Variants in CLMP observed in about 807,000 individuals in gnomAD.
The protein encoded by CLMP is CXADR like cell adhesion molecule, also known as CXADR-like membrane protein.
A neutral mutation model predicts 45.2 loss-of-function variants in CLMP; 27 were observed. The observed-to-expected ratio is 0.60, with a 90% CI of 0.44 to 0.82. CLMP has a LOEUF of 0.82. Ranked by LOEUF, CLMP falls within the 40% of genes least tolerant of loss-of-function variation. The pLI is 0.00. For synonymous variants in CLMP, 167 were observed against 171.4 expected (o/e 0.97, Z 0.20); for missense variants, 403 against 448.4 (o/e 0.90, Z 0.91).
chr11:123,144,736 G>C (rs935710926), intron 1 of CLMP, among the ~76,000 whole-genome samples: 1 of 152,212 alleles, frequency 6.6e-6, no homozygotes, highest in African/African-American at 2.4e-5. Context: ...TGACAGAAAA[G>C]AAGTCATATA....
chr11:123,076,476 A>G (rs1208480769), intron 5 of CLMP, among the ~76,000 whole-genome samples: 1 of 152,204 alleles, frequency 6.6e-6, no homozygotes, highest in African/African-American at 2.4e-5. Context: ...CATGAAGGCA[A>G]AATTGGATGA....
chr11:123,163,439 G>A (rs1455407090), intron 1 of CLMP, among the ~76,000 whole-genome samples: 1 of 152,202 alleles, frequency 6.6e-6, no homozygotes, highest in Non-Finnish European at 1.5e-5. Context: ...AAGTAAGCAT[G>A]GCCTGAGCTG....
At chr11:123,192,454 G>A (rs887471651) in intron 1 of CLMP, among the ~76,000 whole-genome samples, 1 of 152,110 alleles carries the variant, frequency 6.6e-6, no homozygotes, top group African/African-American at 2.4e-5. Context: ...GGCCTCACAG[G>A]GTTACTCGGG....
intron 1 of CLMP, among the ~76,000 whole-genome samples, chr11:123,135,411 G>A (rs1861058656): frequency 6.6e-6 from 1 of 152,102 alleles, no homozygotes; most frequent in African/African-American, 2.4e-5. Context: ...GCTAAGGACT[G>A]ACAATGTCCC....
At chr11:123,081,912 A>G (rs757077388) in intron 5 of CLMP, among the ~76,000 whole-genome samples, 2 of 152,056 alleles carry the variant, frequency 1.3e-5, no homozygotes, top group South Asian at 2.1e-4. Flanking sequence ...ACAGTTAACT[A>G]TTATTCTCCT....
chr11:123,195,128 G>T lies in CLMP; in HGVS notation c.-188C>A. 1 of 334,808 alleles carries T rather than the reference G, an allele frequency of 3.0e-6. No homozygotes were observed. The highest frequency in any genetic ancestry group is 5.2e-6 in the Non-Finnish European group (1 of 192,844). 20.7% of individuals were successfully genotyped at this position (334,808 alleles called of 1,614,324 possible). On this transcript the variant is annotated 5_prime_UTR_variant, in exon 1 of 7. Transcript: ENST00000448775. ...CCCTGGGGGCAGATGGGCTCCCGGC[G>T]CTCGCCCCACCAGCTGGCGCCCGGA...
At chr11:123,095,559 C>A (rs555883850) in intron 2 of CLMP, among the ~76,000 whole-genome samples, 19 of 152,046 alleles carry the variant, frequency 1.2e-4, no homozygotes, top group African/African-American at 4.6e-4. Context: ...TGTGAGCCAC[C>A]GCACCTGGCC....
intron 2 of CLMP, among the ~76,000 whole-genome samples, chr11:123,091,823 GC>G (rs1865935159): frequency 6.6e-6 from 1 of 152,118 alleles, no homozygotes; most frequent in South Asian, 2.1e-4. Context: ...GTGTAGCAAA[GC>G]TCACCTGGCT....
At position 123,083,761 on chromosome 11, in the gene CLMP, T is replaced by C. The variant is rs1422436643; in HGVS notation, c.475A>G (p.Thr159Ala). The C allele has an allele frequency of 6.2e-7, 1 of 1,614,078 alleles. No individual in the cohort carries two copies. The highest frequency in any genetic ancestry group is 8.5e-7 in the Non-Finnish European group (1 of 1,180,026). ...LTLQCESSSG[T>A]EPIVYYWQRI... ...TGCCAGTAATACACAATGGGCTCTG[T>C]GCCAGAGGATGACTCACACTGCAAA... Residue 159 changes from threonine to alanine, a missense_variant, in exon 4 of 7, where the codon ACA becomes GCA. Thr to Ala is a moderately conservative substitution (Grantham distance 58, BLOSUM62 0). Coordinates refer to ENST00000448775, the MANE Select transcript of CLMP (RefSeq NM_024769.5).
Position 123,071,467 on chromosome 11 carries a change from G to T in CLMP, c.*2007C>A, listed in dbSNP as rs1253814761. 6.6e-6 allele frequency: 1 copy of T among 152,008 alleles called. No individual in the cohort carries two copies. Among genetic ancestry groups the T allele is most frequent in the East Asian group, 1.9e-4 (1 of 5,180 alleles). The allele number at this position is 152,008 out of a possible 1,614,324, so 9.4% of individuals were successfully genotyped here. On this transcript the variant is annotated 3_prime_UTR_variant, in exon 7 of 7. Coordinates refer to ENST00000448775, the MANE Select transcript of CLMP (RefSeq NM_024769.5). ...AAAGTATTCTGAGCCAGGTGCAGTG[G>T]CTTCCAGCACTGTGGGAGGCCAAGG...
Position 123,083,867 on chromosome 11 carries a change from G to A in CLMP, c.389-20C>T, listed in dbSNP as rs760739646. 51 of 1,611,258 alleles carry A rather than the reference G, an allele frequency of 3.2e-5. No homozygotes were observed. Among genetic ancestry groups the A allele is most frequent in the Non-Finnish European group, 4.3e-5 (51 of 1,179,302 alleles). ...GTCTCACTGGCAACAGCAACAACAA[G>A]CAAAAGTGTAGTGATTCAAAGATCC... On this transcript the variant is annotated intron_variant, in intron 3 of 6. Transcript: ENST00000448775.
chr11:123,137,478 G>T (rs1469133855), intron 1 of CLMP, among the ~76,000 whole-genome samples: 1 of 151,866 alleles, frequency 6.6e-6, no homozygotes, highest in Admixed American at 6.6e-5. Context: ...AGGGGAGATG[G>T]CCATCTCCTA....
intron 1 of CLMP, among the ~76,000 whole-genome samples, chr11:123,167,347 A>G (rs1200470727): frequency 2.0e-5 from 3 of 152,104 alleles, no homozygotes; most frequent in East Asian, 1.9e-4. Context: ...ACGCAGTGGC[A>G]CGATCTTGGC....
intron 1 of CLMP, among the ~76,000 whole-genome samples, chr11:123,099,202 G>T (rs1866025980): frequency 6.6e-6 from 1 of 152,186 alleles, no homozygotes; most frequent in Admixed American, 6.5e-5. Flanking sequence ...CATGGAAACT[G>T]CACTAAGTTG....
rs1171587928 is a variant in CLMP at position 123,073,363 on chromosome 11, A to G, written c.*111T>C. The G allele has an allele frequency of 1.7e-6, 2 of 1,203,828 alleles. No homozygotes were observed. Among genetic ancestry groups the G allele is most frequent in the African/African-American group, 1.6e-5 (1 of 63,346 alleles). 74.6% of individuals were successfully genotyped at this position (1,203,828 alleles called of 1,614,324 possible). A position where few individuals can be genotyped will look rare whatever the true frequency, so the allele number is the denominator to read the frequency against. Reference sequence around the variant, plus strand: ...TCTGTTCCGTGCAATGCTCACTGCTACTTAGATGACCTCTCATCTGGTTGT... The same window carrying G: ...TCTGTTCCGTGCAATGCTCACTGCTGCTTAGATGACCTCTCATCTGGTTGT... On this transcript the variant is annotated 3_prime_UTR_variant, in exon 7 of 7. Coordinates refer to ENST00000448775, the MANE Select transcript of CLMP (RefSeq NM_024769.5).
chr11:123,173,851 G>A (rs1460619668), intron 1 of CLMP, among the ~76,000 whole-genome samples: 1 of 152,204 alleles, frequency 6.6e-6, no homozygotes, highest in Non-Finnish European at 1.5e-5. Flanking sequence ...GGAGATCAAA[G>A]TGGGTGGATC....
intron 1 of CLMP, among the ~76,000 whole-genome samples, chr11:123,189,198 T>G (rs1005503786): frequency 6.6e-6 from 1 of 152,208 alleles, no homozygotes. Flanking sequence ...TTAGCAGAAC[T>G]TTCCACTTTG....
At position 123,084,722 on chromosome 11, in the gene CLMP, T is replaced by C; in HGVS notation, c.187-9A>G. On this transcript the variant is annotated splice_polypyrimidine_tract_variant and intron_variant, in intron 2 of 6. Transcript: ENST00000448775. ...CTGGAGTAAGTGATCACCTGTGGGA[T>C]AGACCGAGGCAGAGTCAAGCAGCGT... The C allele has an allele frequency of 2.5e-6, 4 of 1,613,420 alleles. No homozygotes were observed. The highest frequency in any genetic ancestry group is 2.2e-5 in the East Asian group (1 of 44,874).
At chr11:123,077,293 C>T (rs1052085729) in intron 5 of CLMP, among the ~76,000 whole-genome samples, 7 of 151,846 alleles carry the variant, frequency 4.6e-5, no homozygotes. Context: ...TGAGCCACTG[C>T]ACCCAGCCTA....
Sources: gnomAD v4.1 joint callset for allele counts (sites outside exome capture counted in the v4.1 genomes callset) on GRCh38, gnomAD v4.1.1 for gene constraint, MANE v1.5 for transcripts, NCBI Gene and HGNC (gene_info 2026-07-23, HGNC 2026-07-21) for gene names.